NEXN: variants seen among roughly 807,000 people sequenced by gnomAD.
NEXN encodes the protein nexilin F-actin binding protein.
Under a neutral mutation model 92.6 loss-of-function variants are expected in NEXN, and 65 were observed. The observed-to-expected ratio is 0.70, with a 90% CI of 0.57 to 0.86. The LOEUF (loss-of-function observed/expected upper bound fraction) is 0.86, where lower values mean the gene tolerates loss of function less well. Ranked by LOEUF, NEXN falls within the 40% of genes least tolerant of loss-of-function variation. The pLI is 0.00. For missense variants in NEXN, 778 were observed against 771.1 expected, an observed-to-expected ratio of 1.01 and a Z score of -0.11; for synonymous variants, 254 against 242.5, an observed-to-expected ratio of 1.05 and a Z score of -0.44.
chr1:77,941,531 C>G (rs143736184), intron 11 of NEXN, among the ~76,000 whole-genome samples: 2 of 152,230 alleles, frequency 1.3e-5, no homozygotes, highest in East Asian at 3.9e-4. Flanking sequence ...TACTTGTAAA[C>G]ACCCTTCCCC....
chr1:77,916,090 G>GACC lies in NEXN; in HGVS notation c.-14_-12dup. On this transcript the variant is annotated 5_prime_UTR_variant, in exon 2 of 13. Transcript: ENST00000334785. ...ATACAGAGCTTCATAATCAGCCCAA[G>GACC]ACCACATAGAGCAAACATGAATGAT... 1 of 1,603,022 alleles carries GACC rather than the reference G, an allele frequency of 6.2e-7. No individual in the cohort carries two copies.
At position 77,943,042 on chromosome 1, in the gene NEXN, C is replaced by T. The variant is rs554114112; in HGVS notation, c.*213C>T. The T allele has an allele frequency of 2.5e-5, 15 of 598,944 alleles. No homozygotes were observed. The highest frequency in any genetic ancestry group is 4.0e-5 in the Non-Finnish European group (13 of 327,652). 37.1% of individuals were successfully genotyped at this position (598,944 alleles called of 1,614,324 possible). On this transcript the variant is annotated 3_prime_UTR_variant, in exon 13 of 13. Transcript: ENST00000334785. ...GCTGACTTCTTATTCCTTTTCATAA[C>T]AGTCTTCAAAGCACAGCTCATCTAA...
At position 77,935,659 on chromosome 1, in the gene NEXN, C is replaced by CT. The variant is rs200823109; in HGVS notation, c.1252-154dup. 1.6e-3 allele frequency among the ~76,000 whole-genome samples: 239 copies of CT among 149,728 alleles called. 1 individual carries two copies. Among genetic ancestry groups the CT allele is most frequent in the African/African-American group, 5.0e-3 (204 of 40,940 alleles). ...ACAAACTAATATGCTGATATTCAATCTTTTTTTTTTGAGTCACACATGGTG... is the reference window on the plus strand; with the variant it reads ...ACAAACTAATATGCTGATATTCAATCTTTTTTTTTTTGAGTCACACATGGTG... On this transcript the variant is annotated intron_variant, in intron 10 of 12. Coordinates refer to ENST00000334785, the MANE Select transcript of NEXN (RefSeq NM_144573.4).
chr1:77,926,220 G>A (rs1649825880), intron 6 of NEXN, among the ~76,000 whole-genome samples, 194 bp from the exon 7 acceptor site: 1 of 151,998 alleles, frequency 6.6e-6, no homozygotes, highest in Admixed American at 6.6e-5. Flanking sequence ...CGTCAGCAAT[G>A]GATTTCAGCA....
intron 1 of NEXN, among the ~76,000 whole-genome samples, chr1:77,891,166 G>T (rs927145341): frequency 6.6e-6 from 1 of 151,802 alleles, no homozygotes; most frequent in Non-Finnish European, 1.5e-5. Flanking sequence ...CTCCAGGGTG[G>T]GTGGATTTGT....
Position 77,942,606 on chromosome 1 carries a change from C to A in NEXN, c.1805C>A (p.Thr602Lys). The A allele has an allele frequency of 6.2e-7, 1 of 1,613,696 alleles. No homozygotes were observed. The highest frequency in any genetic ancestry group is 8.5e-7 in the Non-Finnish European group (1 of 1,179,760). ...GTAGACAGTGAGCCAGTCAGATTTA[C>A]GGTTAAAGTAACAGGAGAACCCAAA... Reference protein sequence around the residue: ...SVVDSEPVRFTVKVTGEPKPE... With the variant: ...SVVDSEPVRFKVKVTGEPKPE... Residue 602 changes from threonine (T) to lysine (K), a missense_variant, in exon 13 of 13, where the codon ACG becomes AAG. Thr to Lys is a moderately conservative substitution (Grantham distance 78). Transcript: ENST00000334785.
At position 77,939,495 on chromosome 1, in the gene NEXN, T is replaced by C. The variant is rs1458252097; in HGVS notation, c.1474-2528T>C. Among the ~76,000 whole-genome samples, 3 of 152,204 alleles carry C rather than the reference T, an allele frequency of 2.0e-5. No homozygotes were observed. The East Asian group carries it at 5.8e-4, about 29-fold the overall frequency. The stretch of plus-strand genomic sequence containing the variant: ...GCCTTTATAGGTGTAACATGGAAGG[T>C]AAAGAAAAGTTCAATCAGCATGCAC... On this transcript the variant is annotated intron_variant, in intron 11 of 12. Coordinates refer to ENST00000334785, the MANE Select transcript of NEXN (RefSeq NM_144573.4).
intron 1 of NEXN, among the ~76,000 whole-genome samples, chr1:77,897,064 C>T (rs975980119): frequency 3.9e-5 from 6 of 152,172 alleles, no homozygotes; most frequent in African/African-American, 4.8e-5. Flanking sequence ...GATTCACAGC[C>T]GAATTCTACC....
intron 1 of NEXN, among the ~76,000 whole-genome samples, chr1:77,914,076 T>C (rs1351008492): frequency 1.3e-5 from 2 of 152,142 alleles, no homozygotes; most frequent in Non-Finnish European, 2.9e-5. Context: ...CCAGGAATTA[T>C]GGGGGAGAAA....
intron 5 of NEXN, among the ~76,000 whole-genome samples, chr1:77,922,798 T>C (rs1649535225): frequency 6.6e-6 from 1 of 151,472 alleles, no homozygotes; most frequent in Non-Finnish European, 1.5e-5. Context: ...GGTTTCACCA[T>C]GTTAGCCAGG....
intron 1 of NEXN, among the ~76,000 whole-genome samples, chr1:77,906,276 C>A (rs1180061546): frequency 6.6e-5 from 10 of 152,080 alleles, no homozygotes; most frequent in Admixed American, 2.6e-4. Context: ...CATTATTAGG[C>A]CCATTTTACA....
At chr1:77,935,784 C>G in intron 10 of NEXN, 39 bp from the exon 11 acceptor site, 5 of 1,575,694 alleles carry the variant, frequency 3.2e-6, no homozygotes, top group Non-Finnish European at 3.5e-6. Context: ...GAGACTCTCT[C>G]AAAAACAGCA....
chr1:77,939,763 T>C (rs1042169851), intron 11 of NEXN, among the ~76,000 whole-genome samples: 5 of 151,928 alleles, frequency 3.3e-5, no homozygotes, highest in African/African-American at 1.2e-4. Flanking sequence ...TTAAAGATTA[T>C]TGAAATCGTA....
chr1:77,908,867 T>A (rs1557967670), intron 1 of NEXN, among the ~76,000 whole-genome samples: 1 of 152,214 alleles, frequency 6.6e-6, no homozygotes, highest in Non-Finnish European at 1.5e-5. Context: ...CAGCTAATCC[T>A]AACTAAGCAG....
At chr1:77,889,478 C>T (rs1647057922) in intron 1 of NEXN, 1 of 151,760 alleles carries the variant, frequency 6.6e-6, no homozygotes, top group Non-Finnish European at 1.5e-5. Flanking sequence ...CTCTTGAGAA[C>T]TCCCTTTGCC....
At chr1:77,933,568 T>A (rs1650484886) in intron 10 of NEXN, 89 bp downstream of exon 10, 1 of 998,048 alleles carries the variant, frequency 1.0e-6, no homozygotes, top group Non-Finnish European at 1.5e-6. Flanking sequence ...GTATTATTAT[T>A]CACCTTTAGG....
chr1:77,904,635 T>C (rs1237857169), intron 1 of NEXN, among the ~76,000 whole-genome samples: 1 of 152,120 alleles, frequency 6.6e-6, no homozygotes. Flanking sequence ...GAAGGGAGCG[T>C]AGAGTCTACC....
chr1:77,918,511 C>T (rs1476654048), intron 5 of NEXN, among the ~76,000 whole-genome samples: 1 of 151,842 alleles, frequency 6.6e-6, no homozygotes, highest in African/African-American at 2.4e-5. Flanking sequence ...CAAAAAAATA[C>T]AAAAATTAGC....
chr1:77,908,526 G>A (rs1376168675), intron 1 of NEXN, among the ~76,000 whole-genome samples: 1 of 149,840 alleles, frequency 6.7e-6, no homozygotes, highest in Non-Finnish European at 1.5e-5. Context: ...TCAGCCTCCC[G>A]AGTAGCTGGG....
Sources: allele counts gnomAD v4.1 joint callset (sites outside exome capture counted in the v4.1 genomes callset), GRCh38; gene constraint gnomAD v4.1.1; transcripts MANE v1.5; gene names NCBI Gene and HGNC (gene_info 2026-07-23, HGNC 2026-07-21).